EOGT: variants seen among roughly 807,000 people sequenced by gnomAD.
EOGT encodes the protein EGF domain-specific O-linked N-acetylglucosamine transferase.
A neutral mutation model predicts 70.5 loss-of-function variants in EOGT; 55 were observed. The ratio of observed to expected loss-of-function variants is 0.78; its 90% CI spans 0.63 to 0.98. The LOEUF (loss-of-function observed/expected upper bound fraction) is 0.98, where lower values mean the gene tolerates loss of function less well. EOGT is among the 50% of genes least tolerant of loss of function. The probability of loss-of-function intolerance (pLI) is 0.00; values close to 1 mark genes in which losing one functional copy is unlikely to be tolerated. For synonymous variants in EOGT, 246 were observed against 217.1 expected (o/e 1.13, Z -1.17); for missense variants, 703 against 641.9 (o/e 1.10, Z -1.03).
At chr3:68,981,911 A>ATT (rs776620506) in intron 15 of EOGT, among the ~76,000 whole-genome samples, 1 of 145,672 alleles carries the variant, frequency 6.9e-6, no homozygotes. Flanking sequence ...CTAGTTGCCA[A>ATT]TTTTTTTTTT....
At position 68,982,872 on chromosome 3, in the gene EOGT, G is replaced by C; in HGVS notation, c.1153C>G (p.Leu385Val). ...EYRKILNQNELVNALKTVSTF... is the reference protein window; with the variant it reads ...EYRKILNQNEVVNALKTVSTF... ...GATACTGTTTTCAGTGCATTTACAA[G>C]CTGGGAAAAAAAGAGAAACATTTAG... Residue 385 changes from leucine to valine, a missense_variant and splice_region_variant, in exon 15 of 18, where the codon CTT becomes GTT. Physicochemically the swap from Leu to Val is conservative, Grantham distance 32. Coordinates refer to ENST00000383701, the MANE Select transcript of EOGT (RefSeq NM_001278689.2). 2 of 1,597,534 alleles carry C rather than the reference G, an allele frequency of 1.3e-6. No individual in the cohort carries two copies. The highest frequency in any genetic ancestry group is 1.7e-6 in the Non-Finnish European group (2 of 1,172,008).
chr3:69,006,255 C>G (rs1315558320), intron 6 of EOGT, among the ~76,000 whole-genome samples: 2 of 152,286 alleles, frequency 1.3e-5, no homozygotes, highest in African/African-American at 4.8e-5. Context: ...CAAGACAGAA[C>G]AGAACTCTGT....
intron 11 of EOGT, 154 bp downstream of exon 11, chr3:68,988,771 T>C (rs1037111639): frequency 1.9e-5 from 12 of 633,884 alleles, no homozygotes; most frequent in South Asian, 1.1e-4. Flanking sequence ...GGCTGCATGA[T>C]TAACAACACT....
intron 14 of EOGT, among the ~76,000 whole-genome samples, chr3:68,984,656 T>G (rs1432775070): frequency 3.9e-5 from 6 of 152,158 alleles, no homozygotes; most frequent in Non-Finnish European, 8.8e-5. Context: ...AAGCAGCCAG[T>G]TGGGTGCTCT....
chr3:68,988,398 G>A lies in EOGT; in HGVS notation c.997-17C>T, dbSNP rs1030123123. On this transcript the variant is annotated splice_polypyrimidine_tract_variant and intron_variant, in intron 12 of 17. Coordinates refer to ENST00000383701, the MANE Select transcript of EOGT (RefSeq NM_001278689.2). Reference sequence around the variant, plus strand: ...GCCAGATATCTAAAATAAAAACACTGGTTCATATTACAATGAATACTTCTG... The same window carrying A: ...GCCAGATATCTAAAATAAAAACACTAGTTCATATTACAATGAATACTTCTG... The A allele has an allele frequency of 5.3e-6, 8 of 1,522,398 alleles. No individual in the cohort carries two copies. In the East Asian group the frequency reaches 9.8e-5, roughly 19 times the overall value. The allele number at this position is 1,522,398 out of a possible 1,614,324, so 94.3% of individuals were successfully genotyped here.
At position 68,977,510 on chromosome 3, in the gene EOGT, A is replaced by G; in HGVS notation, c.*108T>C. ...ATCCTGAAGGTATGTTTTGGCATAG[A>G]AAAGGTAATTCGGGGATAGGAAATA... On this transcript the variant is annotated 3_prime_UTR_variant, in exon 18 of 18. Transcript: ENST00000383701. The G allele has an allele frequency of 8.4e-7, 1 of 1,195,884 alleles. No homozygotes were observed. Among genetic ancestry groups the G allele is most frequent in the East Asian group, 2.4e-5 (1 of 41,894 alleles). The allele number at this position is 1,195,884 out of a possible 1,614,324, so 74.1% of individuals were successfully genotyped here.
chr3:69,008,672 T>C, intron 4 of EOGT, 144 bp from the exon 5 acceptor site: 1 of 634,436 alleles, frequency 1.6e-6, no homozygotes, highest in Non-Finnish European at 2.7e-6. Context: ...ATTTAAAACT[T>C]ACAGTTAATT....
intron 8 of EOGT, among the ~76,000 whole-genome samples, chr3:69,004,034 G>A (rs2107355943): frequency 6.6e-6 from 1 of 152,240 alleles, no homozygotes; most frequent in South Asian, 2.1e-4. Context: ...CACCATTCCT[G>A]GCCTTGGCAT....
At chr3:68,988,870 T>C (rs1378168222) in intron 11 of EOGT, 55 bp downstream of exon 11, 1 of 907,742 alleles carries the variant, frequency 1.1e-6, no homozygotes, top group Non-Finnish European at 1.7e-6. Context: ...ATTTTATGAG[T>C]GAGTCATCTG....
In EOGT at chr3:68,988,540, C is replaced by A. The variant is rs954303678; in HGVS notation, c.962G>T (p.Arg321Leu). 1.0e-5 allele frequency: 16 copies of A among 1,532,390 alleles called. No homozygotes were observed. The highest frequency in any genetic ancestry group is 1.4e-5 in the Non-Finnish European group (16 of 1,145,116). 94.9% of individuals were successfully genotyped at this position (1,532,390 alleles called of 1,614,324 possible). Residue 321 changes from arginine (R) to leucine (L), a missense_variant, in exon 12 of 18, where the codon CGC (arginine) becomes CTC (leucine). Coordinates refer to ENST00000383701, the MANE Select transcript of EOGT (RefSeq NM_001278689.2). ...ATTATAGAACAGCCCATACCTCATGCGGGGGAGTAATGAAAAAACAGCTTC... is the reference window on the plus strand; with the variant it reads ...ATTATAGAACAGCCCATACCTCATGAGGGGGAGTAATGAAAAAACAGCTTC... ...FKEAVFSLLP[R>L]MRYGLFYNTP...
At chr3:69,004,929 G>T (rs1027169790) in intron 7 of EOGT, among the ~76,000 whole-genome samples, 1 of 151,828 alleles carries the variant, frequency 6.6e-6, no homozygotes, top group Non-Finnish European at 1.5e-5. Context: ...CAAGCCTGGC[G>T]GTGCGCTTCT....
chr3:68,987,923 G>T, intron 13 of EOGT: 1 of 322,602 alleles, frequency 3.1e-6, no homozygotes, highest in East Asian at 6.9e-5. Flanking sequence ...AAATGTTTTT[G>T]GGTTTTGTTT....
intron 17 of EOGT, 122 bp from the exon 18 acceptor site, chr3:68,977,886 A>C: frequency 2.0e-6 from 2 of 991,312 alleles, no homozygotes; most frequent in Non-Finnish European, 2.9e-6. Context: ...GAGACCAGCA[A>C]ACTTTTCCTG....
intron 13 of EOGT, chr3:68,987,792 G>T (rs145911263): frequency 1.6e-4 from 75 of 479,402 alleles, no homozygotes; most frequent in African/African-American, 1.4e-3. Context: ...ATTTGGGGAG[G>T]TGAGGGAGAT....
At chr3:68,988,872 A>T in intron 11 of EOGT, 53 bp downstream of exon 11, 1 of 909,640 alleles carries the variant, frequency 1.1e-6, no homozygotes, top group Non-Finnish European at 1.7e-6. Context: ...TTTATGAGTG[A>T]GTCATCTGCA....
intron 16 of EOGT, 55 bp from the exon 17 acceptor site, chr3:68,978,490 T>C: frequency 8.1e-7 from 1 of 1,237,008 alleles, no homozygotes; most frequent in South Asian, 1.4e-5. Context: ...TTTTTCCAAA[T>C]CAACAACTCT....
chr3:68,985,944 C>A (rs916200991), intron 14 of EOGT, among the ~76,000 whole-genome samples: 2 of 152,160 alleles, frequency 1.3e-5, no homozygotes, highest in Non-Finnish European at 2.9e-5. Context: ...GAACCCACTG[C>A]CTCACCTTTT....
intron 9 of EOGT, among the ~76,000 whole-genome samples, chr3:69,000,280 T>C (rs2091262337): frequency 6.6e-6 from 1 of 152,086 alleles, no homozygotes; most frequent in African/African-American, 2.4e-5. Flanking sequence ...AAAAGTAGAG[T>C]TATGAATATA....
rs1162778011 is a variant in EOGT at position 69,004,443 on chromosome 3, C to A, written c.555G>T (p.Gly185=). The change falls in exon 8 of 18, where the codon GGG becomes GGT. Residue 185 remains glycine (G), a synonymous_variant. Transcript: ENST00000383701. ...EDFFQSGEIG[G]HCKLDIRTLT... ...ATGTACGGATGTCAAGTTTACAGTG[C>A]CCTCCAATTTCACCACTCTGGAAAA... is the stretch of plus-strand genomic sequence containing the variant. 1 of 1,613,830 alleles carries A rather than the reference C, an allele frequency of 6.2e-7. No homozygotes were observed. The highest frequency in any genetic ancestry group is 8.5e-7 in the Non-Finnish European group (1 of 1,179,872).
Sources: allele counts gnomAD v4.1 joint callset (sites outside exome capture counted in the v4.1 genomes callset), GRCh38; gene constraint gnomAD v4.1.1; transcripts MANE v1.5; gene names NCBI Gene and HGNC (gene_info 2026-07-23, HGNC 2026-07-21).